Variants in NEIL3 observed in about 807,000 individuals in gnomAD.
NEIL3 encodes nei like DNA glycosylase 3.
NEIL3 carries 48 observed loss-of-function variants against 57.5 expected under a neutral mutation model. The observed-to-expected ratio is 0.83, with a 90% CI of 0.66 to 1.06. The LOEUF (loss-of-function observed/expected upper bound fraction) is 1.06. Ranked by LOEUF, NEIL3 falls within the 50% of genes least tolerant of loss-of-function variation. The pLI, the probability that NEIL3 is intolerant of heterozygous loss-of-function variation, is 0.00. For missense variants in NEIL3, 717 were observed against 739.1 expected, an observed-to-expected ratio of 0.97 and a Z score of 0.35; for synonymous variants, 261 against 253.2, an observed-to-expected ratio of 1.03 and a Z score of -0.29.
At chr4:177,313,089 C>T (rs1226879293) in intron 1 of NEIL3, among the ~76,000 whole-genome samples, 1 of 152,108 alleles carries the variant, frequency 6.6e-6, no homozygotes, top group African/African-American at 2.4e-5. Flanking sequence ...CACAAGGCAG[C>T]ATTTAAAAAT....
At chr4:177,320,120 T>A (rs761330075) in intron 1 of NEIL3, among the ~76,000 whole-genome samples, 1 of 152,194 alleles carries the variant, frequency 6.6e-6, no homozygotes, top group African/African-American at 2.4e-5. Flanking sequence ...TACTAATTGG[T>A]TGTCATGGAA....
intron 2 of NEIL3, among the ~76,000 whole-genome samples, chr4:177,332,302 A>G (rs1299267417): frequency 2.0e-5 from 3 of 151,946 alleles, no homozygotes; most frequent in East Asian, 1.9e-4. Context: ...TTCTGTTTCA[A>G]CTCTAGGGAC....
intron 8 of NEIL3, among the ~76,000 whole-genome samples, chr4:177,358,413 T>G (rs72702983): frequency 0.13 from 20,440 of 152,142 alleles, 1,861 homozygotes; most frequent in Non-Finnish European, 0.21. Flanking sequence ...GTTCAAGGGA[T>G]TCTTCTGACT....
rs753998441 is a variant in NEIL3 at position 177,360,591 on chromosome 4, C to T, written c.1549C>T (p.Arg517Ter). 8.1e-6 allele frequency: 13 copies of T among 1,613,952 alleles called. No individual in the cohort carries two copies. Among genetic ancestry groups the T allele is most frequent in the South Asian group, 2.2e-5 (2 of 91,076 alleles). Reference protein sequence around the residue: ...CSKHNRLCILRVVGKDGENKG... With the variant: ...CSKHNRLCIL The stretch of plus-strand genomic sequence containing the variant: ...TAAACACAACCGCCTCTGCATTCTC[C>T]GAGTTGTGGGGAAGGATGGGGAAAA... Residue 517 changes from arginine (R) to a stop codon, truncating the protein, a stop_gained, in exon 9 of 10, where the codon CGA becomes TGA. Transcript: ENST00000264596. LOFTEE classifies it high-confidence loss of function.
At chr4:177,318,005 A>C (rs1270409544) in intron 1 of NEIL3, among the ~76,000 whole-genome samples, 1 of 151,940 alleles carries the variant, frequency 6.6e-6, no homozygotes, top group East Asian at 1.9e-4. Context: ...AATAATAAAA[A>C]CTTCTTTCAA....
chr4:177,328,159 GA>G (rs1032060152), intron 2 of NEIL3, among the ~76,000 whole-genome samples: 9 of 151,994 alleles, frequency 5.9e-5, no homozygotes, highest in Non-Finnish European at 1.3e-4. Context: ...AAAGGAAAGA[GA>G]AAAAAACAAA....
chr4:177,336,302 G>A lies in NEIL3; in HGVS notation c.608G>A (p.Gly203Asp). 1 of 1,613,812 alleles carries A rather than the reference G, an allele frequency of 6.2e-7. No homozygotes were observed. The highest frequency in any genetic ancestry group is 2.2e-5 in the East Asian group (1 of 44,880). ...AAAAATGAAGCTCTCTTTGACAGTG[G>A]TCTCCACCCAGCTGTTAAAGTAAGT... ...IIKNEALFDS[G>D]LHPAVKVCQL... Residue 203 changes from glycine (G) to aspartate (D), a missense_variant, in exon 4 of 10, where the codon GGT becomes GAT. By Grantham distance (94) the Gly-to-Asp change is moderately conservative (BLOSUM62 -1). Transcript: ENST00000264596.
At chr4:177,371,061 C>G in the NEIL3 span, among the ~76,000 whole-genome samples, 28 of 152,208 alleles carry the variant, frequency 1.8e-4, 1 homozygote, top group East Asian at 5.0e-3. Flanking sequence ...TATATGTAAT[C>G]AACAAAAGAA....
chr4:177,349,103 C>T (rs1199052894), intron 6 of NEIL3, among the ~76,000 whole-genome samples: 19 of 144,462 alleles, frequency 1.3e-4, no homozygotes, highest in South Asian at 6.6e-4. Context: ...AGGATGGTCT[C>T]GATCTCCTGA....
intron 1 of NEIL3, among the ~76,000 whole-genome samples, chr4:177,314,261 C>G (rs1211234298): frequency 1.3e-5 from 2 of 152,090 alleles, no homozygotes; most frequent in African/African-American, 4.8e-5. Context: ...AGAACAGAAA[C>G]ATTCTTACAA....
intron 8 of NEIL3, among the ~76,000 whole-genome samples, chr4:177,356,683 A>G (rs1171621274): frequency 6.6e-6 from 1 of 152,078 alleles, no homozygotes; most frequent in African/African-American, 2.4e-5. Context: ...TGTTCTCTTA[A>G]TTACTGTTCT....
chr4:177,333,717 T>C (rs1007469475), intron 2 of NEIL3, among the ~76,000 whole-genome samples: 17 of 152,200 alleles, frequency 1.1e-4, no homozygotes, highest in Non-Finnish European at 2.4e-4. Flanking sequence ...ATCATTCCCA[T>C]AGACAGCTCT....
chr4:177,316,461 G>A (rs1734576644), intron 1 of NEIL3, among the ~76,000 whole-genome samples: 2 of 152,066 alleles, frequency 1.3e-5, no homozygotes, highest in Admixed American at 1.3e-4. Context: ...GTCCTCCTAT[G>A]TTTAAATCTC....
At chr4:177,337,369 T>A (rs946626378) in intron 4 of NEIL3, among the ~76,000 whole-genome samples, 1 of 152,226 alleles carries the variant, frequency 6.6e-6, no homozygotes, top group Non-Finnish European at 1.5e-5. Context: ...GTTATTTTTT[T>A]ACTTTGTGTA....
chr4:177,369,412 A>T, the NEIL3 span, among the ~76,000 whole-genome samples: 1 of 152,206 alleles, frequency 6.6e-6, no homozygotes, highest in Non-Finnish European at 1.5e-5. Context: ...TGCGTAAAAG[A>T]AGAATCAATT....
At chr4:177,333,702 C>T (rs182067378) in intron 2 of NEIL3, among the ~76,000 whole-genome samples, 19 of 152,274 alleles carry the variant, frequency 1.2e-4, no homozygotes, top group Admixed American at 9.2e-4. Flanking sequence ...GTGCTCACAT[C>T]GGGAATCATT....
chr4:177,337,606 T>G (rs1735002475), intron 4 of NEIL3, among the ~76,000 whole-genome samples: 1 of 152,202 alleles, frequency 6.6e-6, no homozygotes, highest in Non-Finnish European at 1.5e-5. Flanking sequence ...GGTATTGTTG[T>G]TATCTGTGAT....
Position 177,312,865 on chromosome 4 carries a change from G to GA in NEIL3, c.156+2766dup, listed in dbSNP as rs766238585. ...GCTTCATTTTCTGGGACTTTGATCT[G>GA]AAAAAAAAAACATAATTATAACCTT... On this transcript the variant is annotated intron_variant, in intron 1 of 9. Coordinates refer to ENST00000264596, the MANE Select transcript of NEIL3 (RefSeq NM_018248.3). Among the ~76,000 whole-genome samples, 658 of 145,994 alleles carry GA rather than the reference G, an allele frequency of 4.5e-3. 10 individuals are homozygous for GA. The South Asian group carries it at 0.05, about 11-fold the overall frequency.
intron 7 of NEIL3, among the ~76,000 whole-genome samples, chr4:177,352,344 G>A (rs557017797): frequency 3.3e-4 from 50 of 152,220 alleles, no homozygotes; most frequent in African/African-American, 1.1e-3. Flanking sequence ...CAGCAGAGGC[G>A]GAGCCCATGG....
Sources: gnomAD v4.1 joint callset for allele counts (sites outside exome capture counted in the v4.1 genomes callset) on GRCh38, gnomAD v4.1.1 for gene constraint, MANE v1.5 for transcripts, NCBI Gene and HGNC (gene_info 2026-07-23, HGNC 2026-07-21) for gene names.